NDST3: variants seen among roughly 807,000 people sequenced by gnomAD.
NDST3 encodes bifunctional heparan sulfate N-deacetylase/N-sulfotransferase 3.
Under a neutral mutation model 96.1 loss-of-function variants are expected in NDST3, and 58 were observed. That is an observed-to-expected ratio of 0.60 (90% CI 0.49 to 0.75). The LOEUF is 0.75. Among genes scored for constraint, NDST3 ranks in the 30% least tolerant of loss-of-function variants. NDST3 has a pLI of 0.00. For missense variants in NDST3, 788 were observed against 1,034.2 expected, an observed-to-expected ratio of 0.76 and a Z score of 3.27; for synonymous variants, 333 against 359.7, an observed-to-expected ratio of 0.93 and a Z score of 0.84.
intron 2 of NDST3, among the ~76,000 whole-genome samples, chr4:118,069,812 A>AT: frequency 1.6e-5 from 1 of 60,744 alleles, no homozygotes; most frequent in Non-Finnish European, 5.9e-5. Flanking sequence ...TTTGTTTTTG[A>AT]CCAGTTATTA....
intron 6 of NDST3, among the ~76,000 whole-genome samples, chr4:118,197,457 C>T (rs1446443300): frequency 6.7e-6 from 1 of 149,540 alleles, no homozygotes; most frequent in African/African-American, 2.5e-5. Context: ...CTCTTTAGCT[C>T]TAATAATATT....
Position 118,173,168 on chromosome 4 carries a change from G to A in NDST3, c.1539+29484G>A, listed in dbSNP as rs551201010. Among the ~76,000 whole-genome samples, 35 of 147,662 alleles carry A rather than the reference G, an allele frequency of 2.4e-4. No homozygotes were observed. In the East Asian group the frequency reaches 6.9e-3, roughly 29 times the overall value. The stretch of plus-strand genomic sequence containing the variant: ...TGTGTGTGTGTGTATATATATATAT[G>A]ATAAAATAAGATATATACACATCTT... On this transcript the variant is annotated intron_variant, in intron 6 of 13. Coordinates refer to ENST00000296499, the MANE Select transcript of NDST3 (RefSeq NM_004784.3).
At chr4:118,166,879 G>T (rs1273861679) in intron 6 of NDST3, among the ~76,000 whole-genome samples, 1 of 151,672 alleles carries the variant, frequency 6.6e-6, no homozygotes. Flanking sequence ...AACAAAGTAG[G>T]AATAAAAGGA....
chr4:118,159,642 T>C (rs1183574828), intron 6 of NDST3, among the ~76,000 whole-genome samples: 4 of 152,068 alleles, frequency 2.6e-5, no homozygotes, highest in Admixed American at 2.6e-4. Context: ...TTCAAAATAA[T>C]CATCATAAAG....
rs765474414 is a variant in NDST3, at chr4:118,054,245, C to T, written c.335C>T (p.Pro112Leu). ...SRFQYHIEIA[P>L]GKGDLPVLID... is the part of the protein sequence containing the mutation. ...TTCCAGTATCACATTGAAATTGCCC[C>T]TGGAAAGGGAGATCTCCCAGTGCTT... is the stretch of plus-strand genomic sequence containing the variant. Residue 112 changes from proline to leucine, a missense_variant, in exon 2 of 14, where the codon CCT becomes CTT. Coordinates refer to ENST00000296499, the MANE Select transcript of NDST3 (RefSeq NM_004784.3). 1.9e-6 allele frequency: 3 copies of T among 1,612,550 alleles called. No individual in the cohort carries two copies. Among genetic ancestry groups the T allele is most frequent in the East Asian group, 4.5e-5 (2 of 44,846 alleles).
rs1270039008 is a variant in NDST3, at chr4:118,207,615, G to A, written c.1540-16876G>A. Among the ~76,000 whole-genome samples, 8 of 144,770 alleles carry A rather than the reference G, an allele frequency of 5.5e-5. 1 individual carries two copies. Among genetic ancestry groups the A allele is most frequent in the Admixed American group, 5.5e-4 (8 of 14,640 alleles). 95.0% of individuals were successfully genotyped at this position (144,770 alleles called of 152,430 possible). The stretch of plus-strand genomic sequence containing the variant: ...TCCAATGGCATAGATATTTAGACAA[G>A]TATAGACAATTGCCTTCACAGCTGG... On this transcript the variant is annotated intron_variant, in intron 6 of 13. Transcript: ENST00000296499.
At chr4:118,209,914 A>C (rs1738676778) in intron 6 of NDST3, among the ~76,000 whole-genome samples, 1 of 152,220 alleles carries the variant, frequency 6.6e-6, no homozygotes, top group African/African-American at 2.4e-5. Flanking sequence ...CTTAGAAATT[A>C]AGGTGACATC....
chr4:118,085,779 G>T (rs1008037517), intron 2 of NDST3, among the ~76,000 whole-genome samples: 4 of 152,004 alleles, frequency 2.6e-5, no homozygotes, highest in Admixed American at 6.6e-5. Context: ...TACATAACAT[G>T]GTCTCATGAG....
At chr4:118,233,245 C>G in intron 9 of NDST3, 110 bp downstream of exon 9, 5 of 982,996 alleles carry the variant, frequency 5.1e-6, no homozygotes, top group Non-Finnish European at 6.9e-6. Context: ...AAAATTTAAC[C>G]TCTGTGCCTT....
At chr4:118,161,007 A>G (rs1735077451) in intron 6 of NDST3, among the ~76,000 whole-genome samples, 1 of 151,836 alleles carries the variant, frequency 6.6e-6, no homozygotes, top group African/African-American at 2.4e-5. Context: ...GGTTTTATCT[A>G]CTTTTGGTCT....
chr4:118,085,755 A>G (rs1184695957), intron 2 of NDST3, among the ~76,000 whole-genome samples: 1 of 152,204 alleles, frequency 6.6e-6, no homozygotes, highest in Non-Finnish European at 1.5e-5. Context: ...TTTAGAGGAA[A>G]AAAACATAAC....
At chr4:118,226,751 T>C in intron 7 of NDST3, 135 bp from the exon 8 acceptor site, 1 of 628,324 alleles carries the variant, frequency 1.6e-6, no homozygotes, top group Non-Finnish European at 2.7e-6. Flanking sequence ...TTCAGGGCTT[T>C]CATTTTTTTA....
At chr4:118,239,589 A>G (rs1045235000) in intron 10 of NDST3, among the ~76,000 whole-genome samples, 3 of 152,212 alleles carry the variant, frequency 2.0e-5, no homozygotes, top group African/African-American at 7.2e-5. Flanking sequence ...AAAAGAAGAA[A>G]ATTGGAGCTT....
chr4:118,151,584 G>T (rs1048823769), intron 6 of NDST3, among the ~76,000 whole-genome samples: 1 of 152,010 alleles, frequency 6.6e-6, no homozygotes, highest in African/African-American at 2.4e-5. Flanking sequence ...TAAATGTTAG[G>T]ATCAGGCAAA....
At position 118,238,154 on chromosome 4, in the gene NDST3, GAAAAGAAAGAAAGAAA is replaced by G. The variant is rs1194825846; in HGVS notation, c.2118+935_2118+950del. On this transcript the variant is annotated intron_variant, in intron 10 of 13. Transcript: ENST00000296499. The stretch of plus-strand genomic sequence containing the variant: ...GAGAGAGAGAGAGAGAGAAAAGAAA[GAAAAGAAAGAAAGAAA>G]GAAAGAAAGAAAGAAAGAAAGAAAG... Among the ~76,000 whole-genome samples, 619 of 72,138 alleles carry G rather than the reference GAAAAGAAAGAAAGAAA, an allele frequency of 8.6e-3. 7 individuals are homozygous for G. The highest frequency in any genetic ancestry group is 0.049 in the Middle Eastern group (6 of 122). The allele number at this position is 72,138 out of a possible 152,430, so 47.3% of individuals were successfully genotyped here.
Position 118,224,639 on chromosome 4 carries a change from A to T in NDST3, c.1688A>T (p.Glu563Val). Residue 563 changes from glutamate to valine, a missense_variant, in exon 7 of 14, where the codon GAG (glutamate) becomes GTG (valine). Transcript: ENST00000296499. Reference protein sequence around the residue: ...PPVQLAHKYFELFPDQKDPLW... With the variant: ...PPVQLAHKYFVLFPDQKDPLW... ...GTACAACTGGCCCACAAGTATTTTG[A>T]GCTGTTTCCTGATCAGAAAGACCCT... 1 of 1,608,718 alleles carries T rather than the reference A, an allele frequency of 6.2e-7. No homozygotes were observed. Among genetic ancestry groups the T allele is most frequent in the Non-Finnish European group, 8.5e-7 (1 of 1,177,280 alleles).
At chr4:118,135,255 C>T (rs1485206533) in intron 4 of NDST3, among the ~76,000 whole-genome samples, 4 of 152,134 alleles carry the variant, frequency 2.6e-5, no homozygotes, top group African/African-American at 9.7e-5. Context: ...AGAAGAGAAG[C>T]AGGCTTAGGA....
At chr4:118,183,435 G>T (rs1736730670) in intron 6 of NDST3, among the ~76,000 whole-genome samples, 1 of 152,070 alleles carries the variant, frequency 6.6e-6, no homozygotes, top group Admixed American at 6.6e-5. Context: ...CAAATGGTCG[G>T]TCTTTCTGGC....
rs1249634562 is a variant in NDST3, at chr4:118,080,362, T to C, written c.982-24656T>C. Among the ~76,000 whole-genome samples the C allele has an allele frequency of 1.3e-5, 2 of 152,026 alleles. 1 individual carries two copies. Among genetic ancestry groups the C allele is most frequent in the South Asian group, 4.1e-4 (2 of 4,830 alleles). On this transcript the variant is annotated intron_variant, in intron 2 of 13. Transcript: ENST00000296499. ...AATCAGGAACTCAATAGCATACTGATAGTATTTAAATTCCTGCCACTGGAT... is the reference window on the plus strand; with the variant it reads ...AATCAGGAACTCAATAGCATACTGACAGTATTTAAATTCCTGCCACTGGAT...
Sources: gnomAD v4.1 joint callset for allele counts (sites outside exome capture counted in the v4.1 genomes callset) on GRCh38, gnomAD v4.1.1 for gene constraint, MANE v1.5 for transcripts, NCBI Gene and HGNC (gene_info 2026-07-23, HGNC 2026-07-21) for gene names.